The following LRRC74A variants were observed in gnomAD, a reference collection of about 807,000 sequenced individuals.
The protein encoded by LRRC74A is leucine-rich repeat-containing protein 74A.
A neutral mutation model predicts 57.9 loss-of-function variants in LRRC74A; 44 were observed. That is an observed-to-expected ratio of 0.76 (90% CI 0.60 to 0.98). The LOEUF is 0.98. Among genes scored for constraint, LRRC74A ranks in the 50% least tolerant of loss-of-function variants. The probability of loss-of-function intolerance (pLI) is 0.00; values close to 1 mark genes in which losing one functional copy is unlikely to be tolerated. For missense variants in LRRC74A, 572 were observed against 574.0 expected (o/e 1.00, Z 0.04); for synonymous variants, 211 against 219.4 (o/e 0.96, Z 0.34).
At chr14:76,832,015 C>T (rs1896009834) in intron 3 of LRRC74A, among the ~76,000 whole-genome samples, 1 of 152,162 alleles carries the variant, frequency 6.6e-6, no homozygotes, top group Admixed American at 6.5e-5. Context: ...ACTGTTTGTC[C>T]ACTTAGAAAA....
At chr14:76,867,843 C>A (rs2242630) in intron 13 of LRRC74A, among the ~76,000 whole-genome samples, 10,483 of 152,196 alleles carry the variant, frequency 0.069, 872 homozygotes, top group African/African-American at 0.19. Flanking sequence ...ATGTTTCAGC[C>A]GAGTCTGGCA....
chr14:76,829,576 G>A (rs899605481), intron 2 of LRRC74A, among the ~76,000 whole-genome samples: 2 of 152,204 alleles, frequency 1.3e-5, no homozygotes, highest in African/African-American at 4.8e-5. Flanking sequence ...ACTGCAGCAA[G>A]TGCTAACACT....
Position 76,853,433 on chromosome 14 carries a change from G to GTGTGTGTGTT in LRRC74A, c.957+32_957+33insTTGTGTGTGT, listed in dbSNP as rs977722084. 1.1e-5 allele frequency: 10 copies of GTGTGTGTGTT among 875,560 alleles called. No homozygotes were observed. In the Admixed American group the frequency reaches 2.0e-4, roughly 17 times the overall value. The allele number at this position is 875,560 out of a possible 1,614,324, so 54.2% of individuals were successfully genotyped here. A position where few individuals can be genotyped will look rare whatever the true frequency, so the allele number is the denominator to read the frequency against. On this transcript the variant is annotated intron_variant, in intron 9 of 13. Coordinates refer to ENST00000689127, the MANE Select transcript of LRRC74A (RefSeq NM_001385106.1). Reference sequence around the variant, plus strand: ...AAGGTAGTCTTCAGCTGGAAAGGGTGTGTGTGTGTGTGTGTGTGTGTGTGT... The same window carrying GTGTGTGTGTT: ...AAGGTAGTCTTCAGCTGGAAAGGGTGTGTGTGTGTTTGTGTGTGTGTGTGTGTGTGTGTGT...
chr14:76,845,338 AAG>A (rs1039445030), intron 7 of LRRC74A, among the ~76,000 whole-genome samples: 4 of 151,724 alleles, frequency 2.6e-5, no homozygotes, highest in Non-Finnish European at 4.4e-5. Context: ...GAAGAAGCAC[AAG>A]AAGAAGGAAA....
At chr14:76,841,279 T>G (rs768063713) in intron 5 of LRRC74A, among the ~76,000 whole-genome samples, 8 of 152,170 alleles carry the variant, frequency 5.3e-5, no homozygotes, top group Non-Finnish European at 1.2e-4. Context: ...TGACCTCAAG[T>G]GATCCAACTG....
chr14:76,845,072 C>G (rs1193625323), intron 7 of LRRC74A, among the ~76,000 whole-genome samples, 171 bp downstream of exon 7: 1 of 152,182 alleles, frequency 6.6e-6, no homozygotes, highest in African/African-American at 2.4e-5. Flanking sequence ...GCCTGTAATC[C>G]CAGAACTTCA....
Position 76,853,428 on chromosome 14 carries a change from AG to A in LRRC74A, c.957+21del, listed in dbSNP as rs754698217. 2.6e-6 allele frequency: 2 copies of A among 761,786 alleles called. No homozygotes were observed. The highest frequency in any genetic ancestry group is 1.9e-6 in the Non-Finnish European group (1 of 528,458). The allele number at this position is 761,786 out of a possible 1,614,324, so 47.2% of individuals were successfully genotyped here. A position where few individuals can be genotyped will look rare whatever the true frequency, so the allele number is the denominator to read the frequency against. ...TTCTGAAGGTAGTCTTCAGCTGGAA[AG>A]GGTGTGTGTGTGTGTGTGTGTGTGT... On this transcript the variant is annotated intron_variant, in intron 9 of 13. Coordinates refer to ENST00000689127, the MANE Select transcript of LRRC74A (RefSeq NM_001385106.1).
intron 7 of LRRC74A, among the ~76,000 whole-genome samples, chr14:76,846,157 G>T (rs1306296544): frequency 1.3e-5 from 2 of 152,212 alleles, no homozygotes; most frequent in Non-Finnish European, 2.9e-5. Context: ...TAGAGCAATG[G>T]TCAAGGCATA....
chr14:76,830,067 C>T (rs1410215223), intron 2 of LRRC74A, among the ~76,000 whole-genome samples: 1 of 152,186 alleles, frequency 6.6e-6, no homozygotes, highest in Non-Finnish European at 1.5e-5. Context: ...TAGGACAGCC[C>T]TCAGAACAGA....
At position 76,844,900 on chromosome 14, in the gene LRRC74A, G is replaced by C; in HGVS notation, c.675G>C (p.Leu225=). The part of the protein sequence containing the change: ...DVGGEHLGQM[L]AINVGLTSLD... ...GAGGGGAGCACCTGGGCCAGATGCT[G>C]GGTGAGTCTCCCTGGAGGAAGGGAC... The change falls in exon 7 of 14, where the codon CTG becomes CTC. Residue 225 remains leucine, a splice_region_variant and synonymous_variant. Coordinates refer to ENST00000689127, the MANE Select transcript of LRRC74A (RefSeq NM_001385106.1). The C allele has an allele frequency of 6.5e-7, 1 of 1,535,402 alleles. No homozygotes were observed. Among genetic ancestry groups the C allele is most frequent in the African/African-American group, 1.4e-5 (1 of 73,330 alleles).
At chr14:76,846,942 T>G (rs1483991077) in intron 7 of LRRC74A, among the ~76,000 whole-genome samples, 1 of 152,142 alleles carries the variant, frequency 6.6e-6, no homozygotes, top group Non-Finnish European at 1.5e-5. Flanking sequence ...TAGATGTATT[T>G]AAAACCATGA....
chr14:76,869,902 T>A (rs1424519768), intron 13 of LRRC74A, among the ~76,000 whole-genome samples: 1 of 152,226 alleles, frequency 6.6e-6, no homozygotes, highest in Non-Finnish European at 1.5e-5. Context: ...TAGGTGCACA[T>A]GTGCATGCCT....
chr14:76,845,036 T>C (rs968159435), intron 7 of LRRC74A, 135 bp downstream of exon 7: 12 of 613,068 alleles, frequency 2.0e-5, no homozygotes, highest in African/African-American at 1.9e-5. Context: ...CCAAAATACA[T>C]TCAGAATTTG....
chr14:76,864,344 G>A (rs1364533468), intron 11 of LRRC74A, among the ~76,000 whole-genome samples: 1 of 146,134 alleles, frequency 6.8e-6, no homozygotes, highest in Non-Finnish European at 1.5e-5. Context: ...TTCGTGAGAA[G>A]GACGTTGCCA....
intron 10 of LRRC74A, among the ~76,000 whole-genome samples, chr14:76,859,702 G>A (rs1316313337): frequency 7.3e-6 from 1 of 137,268 alleles, no homozygotes; most frequent in African/African-American, 2.7e-5. Context: ...TGGGGATGGA[G>A]TCTCACTCTG....
At chr14:76,852,619 C>CTTTTTT (rs34074806) in intron 8 of LRRC74A, among the ~76,000 whole-genome samples, 169 bp downstream of exon 8, 1 of 130,016 alleles carries the variant, frequency 7.7e-6, no homozygotes, top group African/African-American at 2.9e-5. Context: ...CCTGGATGCA[C>CTTTTTT]TTTTTTTTTT....
chr14:76,831,477 A>C, intron 3 of LRRC74A, 102 bp downstream of exon 3: 1 of 1,275,206 alleles, frequency 7.8e-7, no homozygotes, highest in South Asian at 1.3e-5. Flanking sequence ...GCCTAAACCC[A>C]CACTTTATGC....
intron 5 of LRRC74A, 67 bp downstream of exon 5, chr14:76,838,038 G>T (rs941277676): frequency 7.7e-6 from 8 of 1,040,852 alleles, no homozygotes; most frequent in East Asian, 2.6e-5. Flanking sequence ...GAAAAACAGA[G>T]AATTCAATGT....
Position 76,850,862 on chromosome 14 carries a change from AAAGAAAGAAAG to A in LRRC74A, c.677-1500_677-1490del, listed in dbSNP as rs1433172779. Among the ~76,000 whole-genome samples, 3 of 76,534 alleles carry A rather than the reference AAAGAAAGAAAG, an allele frequency of 3.9e-5. No individual in the cohort carries two copies. In the Admixed American group the frequency reaches 4.7e-4, roughly 12 times the overall value. The allele number at this position is 76,534 out of a possible 152,430, so 50.2% of individuals were successfully genotyped here. A position where few individuals can be genotyped will look rare whatever the true frequency, so the allele number is the denominator to read the frequency against. On this transcript the variant is annotated intron_variant, in intron 7 of 13. Coordinates refer to ENST00000689127, the MANE Select transcript of LRRC74A (RefSeq NM_001385106.1). ...TCTGTCTCAAAAAAAAAAAAAAAAAAAAGAAAGAAAGAAAGAAAGAAAAGAAATAAGACATT... is the reference window on the plus strand; with the variant it reads ...TCTGTCTCAAAAAAAAAAAAAAAAAAAAAGAAAGAAAAGAAATAAGACATT...
Sources: gnomAD v4.1 joint callset for allele counts (sites outside exome capture counted in the v4.1 genomes callset) on GRCh38, gnomAD v4.1.1 for gene constraint, MANE v1.5 for transcripts, NCBI Gene and HGNC (gene_info 2026-07-23, HGNC 2026-07-21) for gene names.